Variants in RYR2 observed in about 807,000 individuals in gnomAD.
The protein encoded by RYR2 is ryanodine receptor 2.
In RYR2, 227 loss-of-function variants were observed where a neutral mutation model predicts 601.1. The observed-to-expected ratio is 0.38, with a 90% confidence interval of 0.34 to 0.42. RYR2 has a LOEUF of 0.42. RYR2 is among the 10% of genes least tolerant of loss of function. The pLI is 1.00. For missense variants in RYR2, 4,646 were observed against 6,156.5 expected, an observed-to-expected ratio of 0.75 and a Z score of 8.21; for synonymous variants, 2,223 against 2,175.1, an observed-to-expected ratio of 1.02 and a Z score of -0.61.
At chr1:237,213,556 C>T (rs1187420781) in intron 1 of RYR2, among the ~76,000 whole-genome samples, 1 of 152,108 alleles carries the variant, frequency 6.6e-6, no homozygotes, top group Non-Finnish European at 1.5e-5. Flanking sequence ...GAGTTTCCTA[C>T]TTAATACATT....
intron 22 of RYR2, among the ~76,000 whole-genome samples, chr1:237,506,314 G>A (rs1422601119): frequency 6.6e-6 from 1 of 152,126 alleles, no homozygotes; most frequent in Non-Finnish European, 1.5e-5. Flanking sequence ...GAGGCGGGCG[G>A]ATCACGAGGT....
At chr1:237,186,918 C>T (rs1679407339) in intron 1 of RYR2, among the ~76,000 whole-genome samples, 1 of 152,210 alleles carries the variant, frequency 6.6e-6, no homozygotes, top group Non-Finnish European at 1.5e-5. Context: ...GAGAGCCTTG[C>T]TCTGCCGGCC....
chr1:237,662,063 GA>G (rs958476558), intron 56 of RYR2, among the ~76,000 whole-genome samples: 5 of 147,742 alleles, frequency 3.4e-5, no homozygotes, highest in African/African-American at 7.5e-5. Context: ...TATCATTTTT[GA>G]AAAAAAAATG....
At chr1:237,209,971 A>C (rs1682383837) in intron 1 of RYR2, among the ~76,000 whole-genome samples, 3 of 152,202 alleles carry the variant, frequency 2.0e-5, no homozygotes, top group Admixed American at 2.0e-4. Context: ...TTAATGAGAA[A>C]TATAACATGT....
At chr1:237,817,170 G>C (rs1485289471) in intron 100 of RYR2, among the ~76,000 whole-genome samples, 1 of 152,054 alleles carries the variant, frequency 6.6e-6, no homozygotes, top group Non-Finnish European at 1.5e-5. Context: ...TCTCATCCTT[G>C]TATGCCAGGC....
intron 97 of RYR2, among the ~76,000 whole-genome samples, chr1:237,798,914 CACTT>C (rs1475992903): frequency 6.6e-6 from 1 of 152,008 alleles, no homozygotes. Flanking sequence ...TTATTGTAGT[CACTT>C]AATGATTTTG....
At chr1:237,687,415 C>G in intron 62 of RYR2, 40 bp from the exon 63 acceptor site, 1 of 778,382 alleles carries the variant, frequency 1.3e-6, no homozygotes, top group Non-Finnish European at 1.9e-6. Context: ...ACCTTCCCTT[C>G]CCCCTTCCCT....
chr1:237,157,541 A>G (rs909546322), intron 1 of RYR2, among the ~76,000 whole-genome samples: 1 of 152,208 alleles, frequency 6.6e-6, no homozygotes, highest in Non-Finnish European at 1.5e-5. Flanking sequence ...ACACAATGAA[A>G]TATTCGTCAG....
intron 23 of RYR2, among the ~76,000 whole-genome samples, chr1:237,507,971 T>A (rs1665440610): frequency 6.6e-6 from 1 of 152,194 alleles, no homozygotes; most frequent in African/African-American, 2.4e-5. Flanking sequence ...TCAATTTTTT[T>A]TATTTTTTTG....
intron 3 of RYR2, among the ~76,000 whole-genome samples, chr1:237,345,268 T>C (rs1698193285): frequency 6.6e-6 from 1 of 152,048 alleles, no homozygotes; most frequent in Non-Finnish European, 1.5e-5. Context: ...TGCACTGACT[T>C]GTTAGAATGT....
chr1:237,331,666 T>C (rs1452054505), intron 3 of RYR2, among the ~76,000 whole-genome samples: 1 of 135,928 alleles, frequency 7.4e-6, no homozygotes, highest in Non-Finnish European at 1.6e-5. Context: ...CCACCACACC[T>C]GGCTATTTTT....
chr1:237,709,637 C>T (rs1688667047), intron 70 of RYR2, 70 bp downstream of exon 70: 1 of 891,988 alleles, frequency 1.1e-6, no homozygotes, highest in African/African-American at 1.7e-5. Context: ...TCCTAGGTTT[C>T]ATGTAACAGT....
At chr1:237,568,263 A>G (rs1426392589) in intron 28 of RYR2, among the ~76,000 whole-genome samples, 1 of 152,174 alleles carries the variant, frequency 6.6e-6, no homozygotes, top group Non-Finnish European at 1.5e-5. Flanking sequence ...TTAAAAAGAC[A>G]GTGTGTTATA....
chr1:237,429,333 G>A (rs1423943832), intron 12 of RYR2, among the ~76,000 whole-genome samples: 1 of 152,118 alleles, frequency 6.6e-6, no homozygotes, highest in Admixed American at 6.6e-5. Flanking sequence ...AAGAATCGGT[G>A]GACACAGGGT....
At chr1:237,350,987 G>A (rs1052715805) in intron 3 of RYR2, among the ~76,000 whole-genome samples, 4 of 146,864 alleles carry the variant, frequency 2.7e-5, no homozygotes, top group Non-Finnish European at 4.5e-5. Flanking sequence ...AAGTGCAGAT[G>A]GAGCATTTAC....
chr1:237,064,958 A>G (rs983254867), intron 1 of RYR2, among the ~76,000 whole-genome samples: 2 of 152,216 alleles, frequency 1.3e-5, no homozygotes, highest in Admixed American at 6.5e-5. Context: ...ATAACCTGGA[A>G]CTGAAGTCCC....
chr1:237,569,086 G>A, intron 28 of RYR2, 59 bp from the exon 29 acceptor site: 1 of 1,511,602 alleles, frequency 6.6e-7, no homozygotes, highest in African/African-American at 1.4e-5. Context: ...CAGAGTGGTG[G>A]GTGGGTGCGA....
At chr1:237,052,327 G>T (rs978482812) in intron 1 of RYR2, among the ~76,000 whole-genome samples, 1 of 152,098 alleles carries the variant, frequency 6.6e-6, no homozygotes, top group Admixed American at 6.5e-5. Context: ...TGATGGATGT[G>T]GTCATGATAT....
At chr1:237,072,813 T>C (rs1016107101) in intron 1 of RYR2, among the ~76,000 whole-genome samples, 1 of 151,992 alleles carries the variant, frequency 6.6e-6, no homozygotes, top group Admixed American at 6.6e-5. Flanking sequence ...CCAGGCGTGG[T>C]GGCAGTCACC....
Sources: gnomAD v4.1 joint callset for allele counts (sites outside exome capture counted in the v4.1 genomes callset) on GRCh38, gnomAD v4.1.1 for gene constraint, MANE v1.5 for transcripts, NCBI Gene and HGNC (gene_info 2026-07-23, HGNC 2026-07-21) for gene names.